Variants in BLTP1 observed in about 807,000 individuals in gnomAD.
The protein encoded by BLTP1 is fragile site-associated protein.
At chr4:122,168,112 A>G in the BLTP1 span, among the ~76,000 whole-genome samples, 1 of 152,180 alleles carries the variant, frequency 6.6e-6, no homozygotes, top group South Asian at 2.1e-4. Context: ...TGCTTAAAAT[A>G]TGTTCTTTTA....
chr4:122,249,723 A>T, the BLTP1 span: 3 of 1,606,192 alleles, frequency 1.9e-6, no homozygotes, highest in Non-Finnish European at 2.6e-6. Flanking sequence ...GTGGGGACAA[A>T]TATGTCCTAT....
the BLTP1 span, among the ~76,000 whole-genome samples, chr4:122,264,610 T>C: frequency 2.2e-4 from 33 of 152,344 alleles, no homozygotes; most frequent in Admixed American, 2.0e-4. Context: ...TAAATGCAAA[T>C]TAATTATCTA....
chr4:122,331,176 A>G, the BLTP1 span: 10 of 1,384,814 alleles, frequency 7.2e-6, no homozygotes, highest in African/African-American at 1.2e-4. Context: ...GTAGCTGAAT[A>G]AAGTGTGGCT....
At chr4:122,352,854 A>G in the BLTP1 span, 1 of 1,597,306 alleles carries the variant, frequency 6.3e-7, no homozygotes, top group Non-Finnish European at 8.5e-7. Flanking sequence ...ACCCTATCCA[A>G]GGGTACTCAT....
the BLTP1 span, chr4:122,350,012 C>T: frequency 6.2e-7 from 1 of 1,613,896 alleles, no homozygotes; most frequent in Non-Finnish European, 8.5e-7. Flanking sequence ...ACCTGGGGAC[C>T]AGTTCCTTAC....
the BLTP1 span, among the ~76,000 whole-genome samples, chr4:122,156,277 G>C: frequency 6.6e-6 from 1 of 152,202 alleles, no homozygotes; most frequent in South Asian, 2.1e-4. Flanking sequence ...AACGGCAATG[G>C]ATGAGATCAC....
chr4:122,245,655 T>A, the BLTP1 span, among the ~76,000 whole-genome samples: 223 of 152,288 alleles, frequency 1.5e-3, no homozygotes, highest in Middle Eastern at 3.4e-3. Flanking sequence ...TTCCAGAGCT[T>A]CTCCATTTGA....
chr4:122,306,764 G>A, the BLTP1 span: 1 of 743,258 alleles, frequency 1.3e-6, no homozygotes, highest in Non-Finnish European at 1.6e-6. Flanking sequence ...AGGCTGAACA[G>A]GTAGACAAGG....
At chr4:122,305,461 A>G in the BLTP1 span, 1 of 972,562 alleles carries the variant, frequency 1.0e-6, no homozygotes, top group Non-Finnish European at 1.2e-6. Context: ...AAAAATTATT[A>G]TGTAGATTTT....
the BLTP1 span, among the ~76,000 whole-genome samples, chr4:122,327,564 G>T: frequency 1.3e-5 from 2 of 151,296 alleles, no homozygotes; most frequent in Admixed American, 6.6e-5. Context: ...TTATTACTCG[G>T]CTATTTGCAC....
the BLTP1 span, among the ~76,000 whole-genome samples, chr4:122,294,878 A>G: frequency 5.3e-5 from 8 of 152,184 alleles, no homozygotes; most frequent in African/African-American, 1.4e-4. Flanking sequence ...GACAAAACAT[A>G]CAGGAGCTGA....
At chr4:122,190,751 T>C in the BLTP1 span, among the ~76,000 whole-genome samples, 1 of 152,178 alleles carries the variant, frequency 6.6e-6, no homozygotes, top group African/African-American at 2.4e-5. Flanking sequence ...AGTTTGAGGA[T>C]TGAAATTCAT....
chr4:122,292,305 T>C, the BLTP1 span: 1 of 928,036 alleles, frequency 1.1e-6, no homozygotes, highest in Non-Finnish European at 1.3e-6. Context: ...GATTATCAAA[T>C]GAACAGACAC....
At chr4:122,332,508 C>G in the BLTP1 span, among the ~76,000 whole-genome samples, 2 of 151,798 alleles carry the variant, frequency 1.3e-5, no homozygotes, top group Non-Finnish European at 2.9e-5. Flanking sequence ...ACGGAACATA[C>G]AACATTTACA....
At chr4:122,251,956 C>T in the BLTP1 span, among the ~76,000 whole-genome samples, 3 of 152,282 alleles carry the variant, frequency 2.0e-5, no homozygotes, top group African/African-American at 4.8e-5. Context: ...TGTTTAGTGG[C>T]CTTTTAGACA....
At chr4:122,319,696 A>C in the BLTP1 span, among the ~76,000 whole-genome samples, 3 of 151,580 alleles carry the variant, frequency 2.0e-5, no homozygotes, top group Admixed American at 1.3e-4. Flanking sequence ...ACCCACCACC[A>C]TACCTGGCTA....
chr4:122,247,248 G>A, the BLTP1 span: 2 of 1,613,370 alleles, frequency 1.2e-6, no homozygotes, highest in African/African-American at 2.7e-5. Flanking sequence ...TGCAGCCTCA[G>A]TCATCTGGAT....
chr4:122,193,536 ATATAT>A, the BLTP1 span: 1 of 388,458 alleles, frequency 2.6e-6, no homozygotes, highest in Non-Finnish European at 3.5e-6. Context: ...TTAATTTTTA[ATATAT>A]TATGAACATT....
At chr4:122,264,563 A>G in the BLTP1 span, 113 of 640,820 alleles carry the variant, frequency 1.8e-4, no homozygotes, top group Middle Eastern at 2.6e-3. Context: ...CTTCATGCAA[A>G]ACAGGAGGAG....
Sources: allele counts gnomAD v4.1 joint callset (sites outside exome capture counted in the v4.1 genomes callset), GRCh38; gene constraint gnomAD v4.1.1; transcripts MANE v1.5; gene names NCBI Gene and HGNC (gene_info 2026-07-23, HGNC 2026-07-21).